Variants in STAU2 observed in about 807,000 individuals in gnomAD.
The protein encoded by STAU2 is staufen double-stranded RNA binding protein 2.
In STAU2, 20 loss-of-function variants were observed where a neutral mutation model predicts 65.9. That is an observed-to-expected ratio of 0.30 (90% CI 0.21 to 0.44). The LOEUF is 0.44. Among genes scored for constraint, STAU2 ranks in the 20% least tolerant of loss-of-function variants. The pLI is 1.00. For synonymous variants in STAU2, 232 were observed against 233.9 expected (o/e 0.99, Z 0.07); for missense variants, 558 against 683.9 (o/e 0.82, Z 2.05).
In STAU2 at chr8:73,623,510, T is replaced by G. The variant is rs1012534569; in HGVS notation, c.411-6059A>C. Among the ~76,000 whole-genome samples the G allele has an allele frequency of 3.9e-5, 6 of 152,306 alleles. 1 individual carries two copies. Among genetic ancestry groups the G allele is most frequent in the Admixed American group, 3.9e-4 (6 of 15,300 alleles). Reference sequence around the variant, plus strand: ...AATATATGAAAATGCTATCTTCCGATCTAATAAGGAGAGGCTTTGGATTTC... The same window carrying G: ...AATATATGAAAATGCTATCTTCCGAGCTAATAAGGAGAGGCTTTGGATTTC... On this transcript the variant is annotated intron_variant, in intron 6 of 14. Coordinates refer to ENST00000524300, the MANE Select transcript of STAU2 (RefSeq NM_001164380.2).
intron 13 of STAU2, among the ~76,000 whole-genome samples, chr8:73,547,998 T>C (rs1807057549): frequency 1.3e-5 from 1 of 77,502 alleles, no homozygotes; most frequent in Non-Finnish European, 3.8e-5. Flanking sequence ...CTAGACATGA[T>C]TTAAAGTATA....
intron 7 of STAU2, among the ~76,000 whole-genome samples, chr8:73,616,747 G>A (rs1012362879): frequency 4.0e-5 from 6 of 151,836 alleles, no homozygotes; most frequent in African/African-American, 7.3e-5. Context: ...GCAGTGAGCT[G>A]AGATCCTGCC....
At chr8:73,523,210 A>AAAG (rs1563400475) in intron 13 of STAU2, among the ~76,000 whole-genome samples, 1 of 145,410 alleles carries the variant, frequency 6.9e-6, no homozygotes, top group Non-Finnish European at 1.5e-5. Context: ...AAAAAAAAAA[A>AAAG]AAAAAAAAAG....
At chr8:73,437,803 C>T (rs951577621) in intron 13 of STAU2, among the ~76,000 whole-genome samples, 4 of 152,094 alleles carry the variant, frequency 2.6e-5, no homozygotes, top group Non-Finnish European at 5.9e-5. Flanking sequence ...CCACTCCTCA[C>T]GGGCCAGTCA....
At chr8:73,703,861 G>C (rs551423076) in intron 4 of STAU2, among the ~76,000 whole-genome samples, 2 of 152,294 alleles carry the variant, frequency 1.3e-5, no homozygotes, top group South Asian at 4.1e-4. Context: ...CACTGGAAAT[G>C]TTTGTTCTTT....
chr8:73,646,974 C>T (rs962902921), intron 6 of STAU2, among the ~76,000 whole-genome samples: 2 of 149,066 alleles, frequency 1.3e-5, no homozygotes, highest in East Asian at 3.9e-4. Flanking sequence ...CACACACACA[C>T]GAAAAGATGT....
At chr8:73,540,059 A>C (rs1462837209) in intron 13 of STAU2, among the ~76,000 whole-genome samples, 1 of 152,086 alleles carries the variant, frequency 6.6e-6, no homozygotes, top group Non-Finnish European at 1.5e-5. Context: ...ATTAAAGGAA[A>C]AAAGAGATAT....
At chr8:73,430,147 T>A (rs1036353608) in intron 13 of STAU2, among the ~76,000 whole-genome samples, 1 of 152,248 alleles carries the variant, frequency 6.6e-6, no homozygotes, top group African/African-American at 2.4e-5. Flanking sequence ...AAAATTCTTT[T>A]TCATTTCTTA....
At position 73,614,083 on chromosome 8, in the gene STAU2, A is replaced by G. The variant is rs1812659917; in HGVS notation, c.679-127T>C. ...CAAAATTATAGTATTTCTTTAAGAA[A>G]GCTATTATGAAGGTATTATACTGGG... On this transcript the variant is annotated intron_variant, in intron 8 of 14. Transcript: ENST00000524300. 4 of 662,240 alleles carry G rather than the reference A, an allele frequency of 6.0e-6. No individual in the cohort carries two copies. The East Asian group carries it at 1.1e-4, about 19-fold the overall frequency. 41.0% of individuals were successfully genotyped at this position (662,240 alleles called of 1,614,324 possible). A position where few individuals can be genotyped will look rare whatever the true frequency, so the allele number is the denominator to read the frequency against.
At chr8:73,436,565 A>AT (rs1554589591) in intron 13 of STAU2, among the ~76,000 whole-genome samples, 2 of 83,776 alleles carry the variant, frequency 2.4e-5, no homozygotes, top group South Asian at 3.6e-4. Context: ...TATTTTGCCA[A>AT]TTTTTTATTT....
chr8:73,709,676 C>T (rs968078983), intron 3 of STAU2, among the ~76,000 whole-genome samples: 11 of 151,830 alleles, frequency 7.2e-5, no homozygotes, highest in Non-Finnish European at 1.5e-4. Context: ...CAAATTAACT[C>T]CCCTTTCTGT....
At chr8:73,485,567 A>T (rs1201571801) in intron 13 of STAU2, among the ~76,000 whole-genome samples, 1 of 152,036 alleles carries the variant, frequency 6.6e-6, no homozygotes, top group Non-Finnish European at 1.5e-5. Flanking sequence ...GAACCAATAT[A>T]ATGGCAAGCT....
chr8:73,610,427 T>C (rs1812362891), intron 9 of STAU2, among the ~76,000 whole-genome samples: 1 of 151,406 alleles, frequency 6.6e-6, no homozygotes, highest in African/African-American at 2.4e-5. Context: ...TCCCAGCTAC[T>C]CTGGAGGTTG....
chr8:73,637,270 T>C lies in STAU2; in HGVS notation c.411-19819A>G, dbSNP rs570602373. 7.1e-4 allele frequency among the ~76,000 whole-genome samples: 108 copies of C among 151,676 alleles called. No individual in the cohort carries two copies. The South Asian group carries it at 0.017, about 24-fold the overall frequency. ...CAAAAATTTCCTTTGGTAAAAGGCATATTTACATATTCAAGAAGCTCAGTG... is the reference window on the plus strand; with the variant it reads ...CAAAAATTTCCTTTGGTAAAAGGCACATTTACATATTCAAGAAGCTCAGTG... On this transcript the variant is annotated intron_variant, in intron 6 of 14. Coordinates refer to ENST00000524300, the MANE Select transcript of STAU2 (RefSeq NM_001164380.2).
intron 13 of STAU2, among the ~76,000 whole-genome samples, chr8:73,542,964 C>T (rs1806647860): frequency 6.6e-6 from 1 of 152,142 alleles, no homozygotes; most frequent in Non-Finnish European, 1.5e-5. Flanking sequence ...TATGTCTGCA[C>T]AAAATATTGT....
chr8:73,626,238 A>G (rs1462226111), intron 6 of STAU2, among the ~76,000 whole-genome samples: 1 of 152,226 alleles, frequency 6.6e-6, no homozygotes, highest in Non-Finnish European at 1.5e-5. Flanking sequence ...TAGGCATGGA[A>G]ATGCCAGAAA....
intron 13 of STAU2, among the ~76,000 whole-genome samples, chr8:73,481,517 A>AAC (rs1554595567): frequency 2.2e-4 from 6 of 27,694 alleles, no homozygotes; most frequent in South Asian, 1.5e-3. Context: ...ACAAAAAAAC[A>AAC]AAAAAAAAAA....
At chr8:73,486,184 T>C (rs1820901613) in intron 13 of STAU2, among the ~76,000 whole-genome samples, 1 of 152,136 alleles carries the variant, frequency 6.6e-6, no homozygotes, top group South Asian at 2.1e-4. Flanking sequence ...ACAAGAGTCA[T>C]GTTTTCTCAC....
At chr8:73,659,708 T>G (rs1395786630) in intron 6 of STAU2, among the ~76,000 whole-genome samples, 1 of 152,180 alleles carries the variant, frequency 6.6e-6, no homozygotes, top group Non-Finnish European at 1.5e-5. Context: ...TTTCAGAGCT[T>G]GAGCAACAGA....
Sources: gnomAD v4.1 joint callset for allele counts (sites outside exome capture counted in the v4.1 genomes callset) on GRCh38, gnomAD v4.1.1 for gene constraint, MANE v1.5 for transcripts, NCBI Gene and HGNC (gene_info 2026-07-23, HGNC 2026-07-21) for gene names.